SPMAP2L: variants seen among roughly 807,000 people sequenced by gnomAD.
SPMAP2L encodes sperm microtubule associated protein 2-like.
At chr4:56,579,700 T>C in the SPMAP2L span, among the ~76,000 whole-genome samples, 2 of 152,118 alleles carry the variant, frequency 1.3e-5, no homozygotes, top group Non-Finnish European at 2.9e-5. Flanking sequence ...GCCCAGGTGG[T>C]CAAGGATGCA....
At chr4:56,586,554 A>G in the SPMAP2L span, among the ~76,000 whole-genome samples, 1 of 152,226 alleles carries the variant, frequency 6.6e-6, no homozygotes, top group Non-Finnish European at 1.5e-5. Context: ...CAGTCAGTCC[A>G]CAATAACACC....
the SPMAP2L span, among the ~76,000 whole-genome samples, chr4:56,580,636 A>AAAAAAAT: frequency 6.6e-6 from 1 of 151,464 alleles, no homozygotes; most frequent in South Asian, 2.1e-4. Context: ...TTAGGCATGA[A>AAAAAAAT]AAAAAATAAA....
chr4:56,559,510 G>A, the SPMAP2L span: 4 of 1,518,118 alleles, frequency 2.6e-6, no homozygotes, highest in South Asian at 1.2e-5. Flanking sequence ...CTGCCACTAT[G>A]TACCTAACAG....
At chr4:56,592,085 T>C in the SPMAP2L span, among the ~76,000 whole-genome samples, 1 of 152,156 alleles carries the variant, frequency 6.6e-6, no homozygotes, top group Non-Finnish European at 1.5e-5. Context: ...ACTACCTGAG[T>C]TCCACCTCCC....
chr4:56,543,313 G>A, the SPMAP2L span, among the ~76,000 whole-genome samples: 1 of 152,082 alleles, frequency 6.6e-6, no homozygotes, highest in African/African-American at 2.4e-5. Context: ...TCGACCTCCT[G>A]CCCTCGTGAT....
the SPMAP2L span, among the ~76,000 whole-genome samples, chr4:56,580,107 T>A: frequency 6.6e-6 from 1 of 152,166 alleles, no homozygotes; most frequent in Admixed American, 6.5e-5. Flanking sequence ...CCAGAAAAGA[T>A]GATTACCAGA....
the SPMAP2L span, among the ~76,000 whole-genome samples, chr4:56,543,646 C>T: frequency 6.6e-6 from 1 of 152,038 alleles, no homozygotes; most frequent in Non-Finnish European, 1.5e-5. Flanking sequence ...GAGCCAATTG[C>T]GCCACTGCAC....
At chr4:56,625,023 GA>G in the SPMAP2L span, among the ~76,000 whole-genome samples, 1 of 152,160 alleles carries the variant, frequency 6.6e-6, no homozygotes. Flanking sequence ...AAGCAGCCAG[GA>G]GGGAGGCTCT....
At chr4:56,603,795 A>G in the SPMAP2L span, among the ~76,000 whole-genome samples, 1 of 152,196 alleles carries the variant, frequency 6.6e-6, no homozygotes, top group Non-Finnish European at 1.5e-5. Context: ...ACACTGAAAA[A>G]GTGAAGCTCT....
the SPMAP2L span, among the ~76,000 whole-genome samples, chr4:56,531,712 C>T: frequency 6.6e-6 from 1 of 152,196 alleles, no homozygotes; most frequent in African/African-American, 2.4e-5. Flanking sequence ...TCCTCACCAC[C>T]TTCACAAGGT....
At chr4:56,554,366 T>C in the SPMAP2L span, among the ~76,000 whole-genome samples, 3 of 152,336 alleles carry the variant, frequency 2.0e-5, no homozygotes, top group East Asian at 5.8e-4. Flanking sequence ...AGTGTTTGGA[T>C]TTTAGCCATT....
At chr4:56,579,407 A>T in the SPMAP2L span, among the ~76,000 whole-genome samples, 3 of 152,146 alleles carry the variant, frequency 2.0e-5, no homozygotes, top group Non-Finnish European at 4.4e-5. Context: ...AAAACATAAC[A>T]TACCAAAGGT....
At chr4:56,613,181 G>A in the SPMAP2L span, among the ~76,000 whole-genome samples, 2 of 152,286 alleles carry the variant, frequency 1.3e-5, no homozygotes, top group East Asian at 3.9e-4. Context: ...GGCAGTAAGG[G>A]GAGGGAGCCT....
At chr4:56,531,262 G>A in the SPMAP2L span, 20 of 1,421,650 alleles carry the variant, frequency 1.4e-5, no homozygotes, top group Non-Finnish European at 1.8e-5. Context: ...AGAACCGGGG[G>A]TCCTAAGGTG....
At chr4:56,559,171 CG>C in the SPMAP2L span, among the ~76,000 whole-genome samples, 1 of 151,338 alleles carries the variant, frequency 6.6e-6, no homozygotes, top group Non-Finnish European at 1.5e-5. Context: ...TGTGGTGGTG[CG>C]TGCCTGTAAT....
the SPMAP2L span, among the ~76,000 whole-genome samples, chr4:56,569,210 A>T: frequency 1.3e-5 from 2 of 152,168 alleles, no homozygotes; most frequent in African/African-American, 4.8e-5. Flanking sequence ...CCTATATTTA[A>T]CTTTTTGATG....
chr4:56,558,133 T>A, the SPMAP2L span, among the ~76,000 whole-genome samples: 1 of 152,118 alleles, frequency 6.6e-6, no homozygotes, highest in African/African-American at 2.4e-5. Context: ...CATGCCCGGC[T>A]AATTTTTGTA....
the SPMAP2L span, chr4:56,531,087 G>A: frequency 6.5e-6 from 10 of 1,535,410 alleles, no homozygotes; most frequent in Admixed American, 9.8e-5. Context: ...AGGAAACCGA[G>A]TTGCTTCCCA....
At chr4:56,575,826 A>G in the SPMAP2L span, among the ~76,000 whole-genome samples, 3 of 152,228 alleles carry the variant, frequency 2.0e-5, no homozygotes, top group Non-Finnish European at 4.4e-5. Flanking sequence ...TTCGGTAATT[A>G]CATTTGACTC....
Sources: allele counts gnomAD v4.1 joint callset (sites outside exome capture counted in the v4.1 genomes callset), GRCh38; gene constraint gnomAD v4.1.1; transcripts MANE v1.5; gene names NCBI Gene and HGNC (gene_info 2026-07-23, HGNC 2026-07-21).